KCNMA1: variants seen among roughly 807,000 people sequenced by gnomAD.
KCNMA1 encodes the protein potassium calcium-activated channel subfamily M alpha 1.
KCNMA1 carries 29 observed loss-of-function variants against 140.0 expected under a neutral mutation model. The observed-to-expected ratio is 0.21, with a 90% CI of 0.15 to 0.28. KCNMA1 has a LOEUF of 0.28. Among genes scored for constraint, KCNMA1 ranks in the 10% least tolerant of loss-of-function variants. The pLI, the probability that KCNMA1 is intolerant of heterozygous loss-of-function variation, is 1.00. For missense variants in KCNMA1, 880 were observed against 1,602.2 expected, an observed-to-expected ratio of 0.55 and a Z score of 7.70; for synonymous variants, 612 against 611.9, an observed-to-expected ratio of 1.00 and a Z score of 0.00.
At chr10:77,341,323 C>T (rs965807368) in intron 2 of KCNMA1, among the ~76,000 whole-genome samples, 4 of 152,202 alleles carry the variant, frequency 2.6e-5, no homozygotes, top group Non-Finnish European at 5.9e-5. Context: ...GGGTCTAAGT[C>T]CTTCTATGAG....
chr10:77,313,075 G>A (rs529483398), intron 2 of KCNMA1, among the ~76,000 whole-genome samples: 5 of 152,240 alleles, frequency 3.3e-5, no homozygotes, highest in African/African-American at 4.8e-5. Flanking sequence ...TTTAAGAAAC[G>A]TTCAGCCTCT....
chr10:77,399,706 T>C (rs959194394), intron 2 of KCNMA1, among the ~76,000 whole-genome samples: 1 of 152,252 alleles, frequency 6.6e-6, no homozygotes, highest in Non-Finnish European at 1.5e-5. Context: ...GCAATTATCA[T>C]TTGTCATTTC....
chr10:77,560,480 A>C (rs2065992049), intron 1 of KCNMA1, among the ~76,000 whole-genome samples: 1 of 152,230 alleles, frequency 6.6e-6, no homozygotes, highest in South Asian at 2.1e-4. Flanking sequence ...TGAGGCTCAG[A>C]GAACAGCATG....
intron 9 of KCNMA1, among the ~76,000 whole-genome samples, chr10:77,097,779 A>T (rs1285372229): frequency 6.6e-6 from 1 of 152,212 alleles, no homozygotes; most frequent in Non-Finnish European, 1.5e-5. Flanking sequence ...GCTAATCACA[A>T]AGGAAGGAAA....
At chr10:77,020,230 A>C (rs1166902331) in intron 16 of KCNMA1, 2 of 152,196 alleles carry the variant, frequency 1.3e-5, no homozygotes, top group Non-Finnish European at 2.9e-5. Context: ...GATGGTAATT[A>C]ACACATAATC....
chr10:77,043,396 G>A (rs781478529), intron 14 of KCNMA1, among the ~76,000 whole-genome samples: 1 of 152,180 alleles, frequency 6.6e-6, no homozygotes, highest in Non-Finnish European at 1.5e-5. Flanking sequence ...TAGTTGGTGG[G>A]AATGTAAAGT....
chr10:77,109,405 CAA>C (rs60502075), intron 8 of KCNMA1, among the ~76,000 whole-genome samples: 1 of 151,920 alleles, frequency 6.6e-6, no homozygotes, highest in South Asian at 2.1e-4. Flanking sequence ...TCATAAATGG[CAA>C]AAAAAAATCT....
intron 14 of KCNMA1, among the ~76,000 whole-genome samples, chr10:77,042,098 G>C (rs1436936266): frequency 6.6e-6 from 1 of 152,138 alleles, no homozygotes. Context: ...TACTCCCACA[G>C]GTTAGACATT....
At chr10:77,279,337 T>C (rs1337487065) in intron 2 of KCNMA1, among the ~76,000 whole-genome samples, 3 of 152,164 alleles carry the variant, frequency 2.0e-5, no homozygotes, top group Non-Finnish European at 4.4e-5. Flanking sequence ...CGTAAGCCCA[T>C]GGCAGGGTGC....
chr10:77,380,355 G>A (rs2095339557), intron 2 of KCNMA1, among the ~76,000 whole-genome samples: 1 of 152,082 alleles, frequency 6.6e-6, no homozygotes, highest in South Asian at 2.1e-4. Flanking sequence ...AGCCCAGCCT[G>A]GTCTCTAATT....
At chr10:77,219,270 C>G (rs138706512) in intron 3 of KCNMA1, among the ~76,000 whole-genome samples, 1 of 152,132 alleles carries the variant, frequency 6.6e-6, no homozygotes, top group Non-Finnish European at 1.5e-5. Context: ...ACAATCGTGA[C>G]GACATGCTTC....
intron 15 of KCNMA1, 82 bp from the exon 16 acceptor site, chr10:77,027,973 T>C: frequency 5.6e-6 from 7 of 1,245,654 alleles, no homozygotes; most frequent in Non-Finnish European, 8.2e-6. Flanking sequence ...GATCTTTCGG[T>C]CTCCTAATGC....
intron 25 of KCNMA1, chr10:76,901,301 A>T (rs2045273398): frequency 6.6e-6 from 1 of 152,082 alleles, no homozygotes; most frequent in Non-Finnish European, 1.5e-5. Context: ...TTTTCTTTTT[A>T]TTTTTATATG....
At chr10:77,101,706 G>C (rs1266991119) in intron 9 of KCNMA1, among the ~76,000 whole-genome samples, 1 of 152,178 alleles carries the variant, frequency 6.6e-6, no homozygotes, top group East Asian at 1.9e-4. Context: ...ATTTCGACCA[G>C]AGCCATGTCT....
intron 9 of KCNMA1, among the ~76,000 whole-genome samples, chr10:77,107,847 T>G (rs747908824): frequency 1.5e-4 from 23 of 152,232 alleles, no homozygotes; most frequent in Non-Finnish European, 2.9e-4. Flanking sequence ...GCAGTGCCTT[T>G]GCAGTAGGCC....
chr10:77,573,022 C>T (rs2072281861), intron 1 of KCNMA1, among the ~76,000 whole-genome samples: 1 of 152,134 alleles, frequency 6.6e-6, no homozygotes, highest in Admixed American at 6.5e-5. Context: ...CTTCCACTCA[C>T]CACCAGCCCC....
chr10:77,178,721 A>G (rs1455326383), intron 5 of KCNMA1, among the ~76,000 whole-genome samples: 1 of 152,150 alleles, frequency 6.6e-6, no homozygotes, highest in Non-Finnish European at 1.5e-5. Context: ...AACAAAAACA[A>G]AAAAACATAC....
intron 1 of KCNMA1, among the ~76,000 whole-genome samples, chr10:77,622,664 T>C (rs375226389): frequency 1.2e-4 from 18 of 152,330 alleles, no homozygotes; most frequent in East Asian, 9.6e-4. Context: ...ACCTGTAAAA[T>C]GGGAATTTAA....
rs376659575 is a variant in KCNMA1, at chr10:77,530,095, A to G, written c.378+107170T>C. On this transcript the variant is annotated intron_variant, in intron 1 of 27. Transcript: ENST00000286628. The stretch of plus-strand genomic sequence containing the variant: ...GTTTCCTCTTCCTCCAGCAGTGTCT[A>G]CATGGTTGCCTCCTCAATCTTCTAA... 2.9e-4 allele frequency among the ~76,000 whole-genome samples: 44 copies of G among 152,332 alleles called. No homozygotes were observed. In the East Asian group the frequency reaches 3.9e-3, roughly 13 times the overall value.
Sources: allele counts gnomAD v4.1 joint callset (sites outside exome capture counted in the v4.1 genomes callset), GRCh38; gene constraint gnomAD v4.1.1; transcripts MANE v1.5; gene names NCBI Gene and HGNC (gene_info 2026-07-23, HGNC 2026-07-21).